SGCZ: variants seen among roughly 807,000 people sequenced by gnomAD.
The protein encoded by SGCZ is sarcoglycan zeta.
Under a neutral mutation model 41.3 loss-of-function variants are expected in SGCZ, and 40 were observed. The ratio of observed to expected loss-of-function variants is 0.97; its 90% CI spans 0.75 to 1.26. The LOEUF (loss-of-function observed/expected upper bound fraction) is 1.26, where lower values mean the gene tolerates loss of function less well. SGCZ is among the 50% of genes most tolerant of loss of function. SGCZ has a pLI of 0.00. For missense variants in SGCZ, 552 were observed against 369.8 expected, an observed-to-expected ratio of 1.49 and a Z score of -4.04; for synonymous variants, 206 against 137.5, an observed-to-expected ratio of 1.50 and a Z score of -3.49.
At chr8:14,845,407 G>A (rs1477089543) in intron 1 of SGCZ, among the ~76,000 whole-genome samples, 1 of 152,100 alleles carries the variant, frequency 6.6e-6, no homozygotes, top group Non-Finnish European at 1.5e-5. Context: ...ACAAAAAGCA[G>A]CACCCAAATA....
chr8:14,274,592 A>G (rs796953147), intron 3 of SGCZ, among the ~76,000 whole-genome samples: 5 of 152,292 alleles, frequency 3.3e-5, no homozygotes, highest in African/African-American at 1.2e-4. Flanking sequence ...GTTATTGTAT[A>G]TAACAATCTC....
At chr8:14,114,355 G>A (rs1802460411) in intron 5 of SGCZ, among the ~76,000 whole-genome samples, 1 of 151,934 alleles carries the variant, frequency 6.6e-6, no homozygotes, top group African/African-American at 2.4e-5. Flanking sequence ...TATTGAAACT[G>A]TTATTATGAG....
At chr8:14,314,612 T>A (rs899332136) in intron 3 of SGCZ, among the ~76,000 whole-genome samples, 13 of 152,154 alleles carry the variant, frequency 8.5e-5, no homozygotes, top group Admixed American at 6.6e-5. Flanking sequence ...AAGTTTAATG[T>A]TAAAAAGAAT....
chr8:14,992,034 C>T (rs187429192), intron 1 of SGCZ, among the ~76,000 whole-genome samples: 1 of 150,894 alleles, frequency 6.6e-6, no homozygotes, highest in Non-Finnish European at 1.5e-5. Flanking sequence ...AATCTACTCC[C>T]AAATCTACTC....
rs567974912 is a variant in SGCZ at position 14,675,061 on chromosome 8, C to T, written c.40-120135G>A. Reference sequence around the variant, plus strand: ...TCACGCCATTCTCCTGCTTCAGCCTCAGGAGTTGCTGGGACTATAGGCACC... The same window carrying T: ...TCACGCCATTCTCCTGCTTCAGCCTTAGGAGTTGCTGGGACTATAGGCACC... On this transcript the variant is annotated intron_variant, in intron 1 of 7. Coordinates refer to ENST00000382080, the MANE Select transcript of SGCZ (RefSeq NM_139167.4). Among the ~76,000 whole-genome samples, 3 of 148,578 alleles carry T rather than the reference C, an allele frequency of 2.0e-5. No individual in the cohort carries two copies. In the Admixed American group the frequency reaches 2.1e-4, roughly 10 times the overall value.
At chr8:14,838,613 A>G (rs947213176) in intron 1 of SGCZ, among the ~76,000 whole-genome samples, 1 of 152,160 alleles carries the variant, frequency 6.6e-6, no homozygotes, top group African/African-American at 2.4e-5. Flanking sequence ...TAGAATTCCC[A>G]GTGAAGGCTC....
intron 1 of SGCZ, among the ~76,000 whole-genome samples, chr8:14,834,346 T>G (rs2130609871): frequency 6.6e-6 from 1 of 152,320 alleles, no homozygotes; most frequent in East Asian, 1.9e-4. Flanking sequence ...ATTATTTTGG[T>G]AATTCATAAT....
At chr8:14,830,765 T>C (rs543551963) in intron 1 of SGCZ, among the ~76,000 whole-genome samples, 15 of 152,316 alleles carry the variant, frequency 9.8e-5, no homozygotes, top group African/African-American at 3.6e-4. Context: ...AGAATCAATA[T>C]ATATTTGGTC....
At chr8:14,374,842 T>G (rs924275350) in intron 2 of SGCZ, among the ~76,000 whole-genome samples, 1 of 152,148 alleles carries the variant, frequency 6.6e-6, no homozygotes, top group African/African-American at 2.4e-5. Context: ...TCCTGAGGGC[T>G]GAAAATATAA....
At position 14,445,196 on chromosome 8, in the gene SGCZ, G is replaced by T. The variant is rs145856005; in HGVS notation, c.234+109536C>A. ...ACAAATGCCTAGGCAGATTAGGACG[G>T]GTCCCCAGTAAAACTCCACCTTCAA... On this transcript the variant is annotated intron_variant, in intron 2 of 7. Transcript: ENST00000382080. Among the ~76,000 whole-genome samples the T allele has an allele frequency of 3.2e-3, 489 of 152,298 alleles. 1 individual carries two copies. Among genetic ancestry groups the T allele is most frequent in the Admixed American group, 5.8e-3 (89 of 15,300 alleles).
intron 1 of SGCZ, among the ~76,000 whole-genome samples, chr8:14,574,116 T>G (rs979281553): frequency 1.3e-5 from 2 of 152,192 alleles, no homozygotes. Flanking sequence ...GATCACTCTC[T>G]AGCTTCACAG....
At chr8:15,049,616 C>T (rs529045124) in intron 1 of SGCZ, among the ~76,000 whole-genome samples, 1 of 152,228 alleles carries the variant, frequency 6.6e-6, no homozygotes, top group Admixed American at 6.5e-5. Flanking sequence ...CCATGCGCAG[C>T]TAGGTAAGTT....
At chr8:14,354,667 A>T (rs150111692) in intron 2 of SGCZ, among the ~76,000 whole-genome samples, 1 of 151,930 alleles carries the variant, frequency 6.6e-6, no homozygotes, top group East Asian at 1.9e-4. Context: ...CATTGTTGTT[A>T]AATACACACA....
At chr8:14,878,636 G>A (rs138929586) in intron 1 of SGCZ, among the ~76,000 whole-genome samples, 7 of 152,264 alleles carry the variant, frequency 4.6e-5, no homozygotes, top group African/African-American at 1.7e-4. Context: ...CATATGGAAT[G>A]ACTTTCAGAA....
chr8:14,506,940 G>T (rs762644817), intron 2 of SGCZ, among the ~76,000 whole-genome samples: 3 of 151,938 alleles, frequency 2.0e-5, no homozygotes, highest in Non-Finnish European at 4.4e-5. Context: ...AGGTTCTCAG[G>T]TCTTCACTGT....
chr8:14,961,552 T>A (rs931920440), intron 1 of SGCZ, among the ~76,000 whole-genome samples: 5 of 152,136 alleles, frequency 3.3e-5, no homozygotes, highest in African/African-American at 1.2e-4. Flanking sequence ...CTTATTATTT[T>A]TGTTAAACTC....
intron 1 of SGCZ, among the ~76,000 whole-genome samples, chr8:15,174,238 G>A (rs562420223): frequency 3.5e-4 from 54 of 152,318 alleles, no homozygotes; most frequent in African/African-American, 1.1e-3. Flanking sequence ...GTTACATCAT[G>A]TAGGGTAGGT....
chr8:14,437,433 C>G (rs953439213), intron 2 of SGCZ, among the ~76,000 whole-genome samples: 7 of 152,024 alleles, frequency 4.6e-5, no homozygotes, highest in African/African-American at 1.7e-4. Context: ...GCAATAGAAA[C>G]AAATGTGTCA....
At chr8:14,522,786 C>G (rs1034204808) in intron 2 of SGCZ, among the ~76,000 whole-genome samples, 1 of 151,618 alleles carries the variant, frequency 6.6e-6, no homozygotes, top group Non-Finnish European at 1.5e-5. Context: ...TTTTCCTCTT[C>G]ATTTCTAGAA....
Sources: gnomAD v4.1 joint callset for allele counts (sites outside exome capture counted in the v4.1 genomes callset) on GRCh38, gnomAD v4.1.1 for gene constraint, MANE v1.5 for transcripts, NCBI Gene and HGNC (gene_info 2026-07-23, HGNC 2026-07-21) for gene names.